Variants in SAMMSON observed in about 807,000 individuals in gnomAD.
SAMMSON encodes the protein long intergenic non-protein coding RNA 1212.
intron 3 of SAMMSON, among the ~76,000 whole-genome samples, chr3:70,044,958 AT>A (rs1230598235): frequency 0.013 from 1,797 of 138,978 alleles, 73 homozygotes; most frequent in African/African-American, 0.045. Context: ...TACTTTAATT[AT>A]ATTAGAGTAT....
chr3:70,239,567 A>G (rs916972451), intron 4 of SAMMSON, among the ~76,000 whole-genome samples: 1 of 152,214 alleles, frequency 6.6e-6, no homozygotes, highest in African/African-American at 2.4e-5. Context: ...ATTTGAATTT[A>G]GAGACACATA....
chr3:70,240,330 C>T (rs1184950346), intron 4 of SAMMSON, among the ~76,000 whole-genome samples: 1 of 151,658 alleles, frequency 6.6e-6, no homozygotes, highest in East Asian at 1.9e-4. Flanking sequence ...GCAGAATAAC[C>T]AATTACTTTT....
intron 4 of SAMMSON, among the ~76,000 whole-genome samples, chr3:70,136,648 C>T (rs901117880): frequency 1.3e-5 from 2 of 152,160 alleles, no homozygotes; most frequent in South Asian, 2.1e-4. Context: ...GAGTAATTTG[C>T]CATGCAGTAA....
intron 2 of SAMMSON, among the ~76,000 whole-genome samples, chr3:70,429,298 G>A (rs1701394715): frequency 6.6e-6 from 1 of 152,074 alleles, no homozygotes; most frequent in Non-Finnish European, 1.5e-5. Flanking sequence ...TTATTTCTGA[G>A]GCCTCTATTC....
intron 6 of SAMMSON, among the ~76,000 whole-genome samples, chr3:70,272,705 T>C (rs914578836): frequency 6.6e-6 from 1 of 152,222 alleles, no homozygotes. Flanking sequence ...TGATTTTAGA[T>C]AGAGTACATT....
chr3:70,424,414 A>T, intron 2 of SAMMSON, among the ~76,000 whole-genome samples: 1 of 152,180 alleles, frequency 6.6e-6, no homozygotes, highest in Non-Finnish European at 1.5e-5. Context: ...TTCACTTTTA[A>T]ACACATTTTT....
At chr3:70,253,493 C>A (rs1184439763) in intron 6 of SAMMSON, among the ~76,000 whole-genome samples, 1 of 152,170 alleles carries the variant, frequency 6.6e-6, no homozygotes, top group Admixed American at 6.5e-5. Flanking sequence ...GTGGCTCATG[C>A]CTGTCATCCC....
chr3:70,264,421 C>A (rs1701896982), intron 6 of SAMMSON, among the ~76,000 whole-genome samples: 1 of 152,182 alleles, frequency 6.6e-6, no homozygotes, highest in South Asian at 2.1e-4. Flanking sequence ...CAATGACTGT[C>A]TAAGAACTGA....
intron 4 of SAMMSON, among the ~76,000 whole-genome samples, chr3:70,182,157 G>GT (rs962205104): frequency 2.0e-5 from 3 of 151,954 alleles, no homozygotes; most frequent in Admixed American, 1.3e-4. Flanking sequence ...TGCTAAGGAG[G>GT]TTTTTTTTAA....
chr3:70,051,976 T>C (rs1559781385), intron 3 of SAMMSON, among the ~76,000 whole-genome samples: 1 of 152,028 alleles, frequency 6.6e-6, no homozygotes, highest in Non-Finnish European at 1.5e-5. Flanking sequence ...CATGTGCCTA[T>C]AGTCCCAGCT....
chr3:70,033,950 G>A (rs1417534980), intron 3 of SAMMSON, among the ~76,000 whole-genome samples: 1 of 152,014 alleles, frequency 6.6e-6, no homozygotes. Flanking sequence ...TGTCAGTTTG[G>A]GATATGTCCT....
At chr3:70,028,678 A>G (rs1263534805) in intron 3 of SAMMSON, among the ~76,000 whole-genome samples, 2 of 152,180 alleles carry the variant, frequency 1.3e-5, no homozygotes, top group Non-Finnish European at 2.9e-5. Flanking sequence ...CTTTGTGCTA[A>G]CCACAGCAAA....
intron 4 of SAMMSON, among the ~76,000 whole-genome samples, chr3:70,169,854 T>A (rs2067654828): frequency 6.6e-6 from 1 of 151,758 alleles, no homozygotes; most frequent in African/African-American, 2.4e-5. Context: ...CTTGATTAGA[T>A]AGCTTATTGA....
intron 4 of SAMMSON, among the ~76,000 whole-genome samples, chr3:70,227,072 C>G (rs1420089470): frequency 6.6e-6 from 1 of 152,084 alleles, no homozygotes; most frequent in Non-Finnish European, 1.5e-5. Flanking sequence ...ATATAGATTC[C>G]TTTGATCCCC....
At chr3:70,387,231 G>A (rs146234921) in intron 9 of SAMMSON, among the ~76,000 whole-genome samples, 6 of 151,962 alleles carry the variant, frequency 3.9e-5, no homozygotes, top group Non-Finnish European at 8.8e-5. Flanking sequence ...GTTGATATAA[G>A]GCAAAGTAGA....
intron 4 of SAMMSON, among the ~76,000 whole-genome samples, chr3:70,217,658 T>G (rs926405172): frequency 2.0e-5 from 3 of 152,188 alleles, no homozygotes; most frequent in African/African-American, 7.2e-5. Flanking sequence ...TGTGGAAGTT[T>G]TGTTTCACAA....
At chr3:70,342,667 T>C (rs1702719922) in intron 7 of SAMMSON, among the ~76,000 whole-genome samples, 1 of 152,212 alleles carries the variant, frequency 6.6e-6, no homozygotes, top group Non-Finnish European at 1.5e-5. Context: ...TTATGAGATA[T>C]ACACCCTTTA....
At chr3:70,369,604 T>C (rs531855449) in intron 9 of SAMMSON, among the ~76,000 whole-genome samples, 11 of 151,704 alleles carry the variant, frequency 7.3e-5, no homozygotes, top group Non-Finnish European at 1.3e-4. Context: ...GTTGCACTGT[T>C]CCTGATCTTA....
chr3:70,283,925 C>G (rs553415448), intron 6 of SAMMSON: 5 of 152,068 alleles, frequency 3.3e-5, no homozygotes, highest in East Asian at 3.9e-4. Context: ...TATTAATAAT[C>G]TTAAGATTAT....
Sources: allele counts gnomAD v4.1 joint callset (sites outside exome capture counted in the v4.1 genomes callset), GRCh38; gene constraint gnomAD v4.1.1; transcripts MANE v1.5; gene names NCBI Gene and HGNC (gene_info 2026-07-23, HGNC 2026-07-21).